ZSCAN21: variants seen among roughly 807,000 people sequenced by gnomAD.
The protein encoded by ZSCAN21 is zinc finger and SCAN domain-containing protein 21.
ZSCAN21 carries 26 observed loss-of-function variants against 35.6 expected under a neutral mutation model. The ratio of observed to expected loss-of-function variants is 0.73; its 90% CI spans 0.54 to 1.01. The LOEUF (loss-of-function observed/expected upper bound fraction) is 1.01, where lower values mean the gene tolerates loss of function less well. Among genes scored for constraint, ZSCAN21 ranks in the 50% least tolerant of loss-of-function variants. The probability of loss-of-function intolerance (pLI) is 0.00; values close to 1 mark genes in which losing one functional copy is unlikely to be tolerated. For missense variants in ZSCAN21, 593 were observed against 587.1 expected (o/e 1.01, Z -0.10); for synonymous variants, 219 against 219.3 (o/e 1.00, Z 0.01).
chr7:100,051,498 G>C (rs1436674728), intron 1 of ZSCAN21: 1 of 151,626 alleles, frequency 6.6e-6, no homozygotes, highest in African/African-American at 2.4e-5. Flanking sequence ...GTTTCACCGT[G>C]TTAGCCAGAA....
chr7:100,051,386 C>CTG, intron 1 of ZSCAN21: 1 of 140,886 alleles, frequency 7.1e-6, no homozygotes, highest in East Asian at 2.3e-4. Flanking sequence ...CTCCGCCTCC[C>CTG]GGGTTCTAGC....
chr7:100,051,734 A>G (rs992734998), intron 1 of ZSCAN21: 9 of 152,102 alleles, frequency 5.9e-5, no homozygotes, highest in African/African-American at 2.2e-4. Flanking sequence ...GCGCTTTCAT[A>G]AGGGCATATA....
Position 100,064,866 on chromosome 7 carries a change from C to T in ZSCAN21, c.*249C>T, listed in dbSNP as rs375602237. 9.6e-5 allele frequency: 154 copies of T among 1,611,340 alleles called. No homozygotes were observed. Among genetic ancestry groups the T allele is most frequent in the Non-Finnish European group, 1.2e-4 (143 of 1,179,052 alleles). ...TCGCCACACTTAGGGTCCCAGTAAG[C>T]CATGCCAGCATTACCTTTTGCGTAG... On this transcript the variant is annotated 3_prime_UTR_variant, in exon 4 of 4. Coordinates refer to ENST00000292450, the MANE Select transcript of ZSCAN21 (RefSeq NM_145914.3).
intron 1 of ZSCAN21, among the ~76,000 whole-genome samples, chr7:100,053,546 A>ATACATACATAATT (rs755978112): frequency 3.8e-5 from 3 of 79,488 alleles, no homozygotes; most frequent in African/African-American, 1.7e-4. Flanking sequence ...TACATACATA[A>ATACATACATAATT]TTTTTTTTTT....
At chr7:100,054,461 G>A (rs1275505560) in intron 1 of ZSCAN21, among the ~76,000 whole-genome samples, 314 of 151,540 alleles carry the variant, frequency 2.1e-3, no homozygotes, top group Admixed American at 4.0e-3. Context: ...TGTTGGTCAG[G>A]TTGGTCTCGA....
At chr7:100,050,614 C>T (rs1458461019) in intron 1 of ZSCAN21, among the ~76,000 whole-genome samples, 1 of 152,088 alleles carries the variant, frequency 6.6e-6, no homozygotes, top group Admixed American at 6.6e-5. Context: ...AGGAGAATCG[C>T]TTGAACCCAC....
chr7:100,063,242 C>G (rs1243239249), intron 3 of ZSCAN21, among the ~76,000 whole-genome samples: 1 of 152,108 alleles, frequency 6.6e-6, no homozygotes, highest in Admixed American at 6.5e-5. Context: ...AGCTGTTTTT[C>G]TGGCAGAAAA....
At chr7:100,059,358 C>G (rs1792197091) in intron 3 of ZSCAN21, among the ~76,000 whole-genome samples, 1 of 152,182 alleles carries the variant, frequency 6.6e-6, no homozygotes, top group Non-Finnish European at 1.5e-5. Context: ...AGCCGGAGAC[C>G]TATCTGGTCA....
chr7:100,063,720 C>G, intron 3 of ZSCAN21, 68 bp from the exon 4 acceptor site: 3 of 1,461,702 alleles, frequency 2.1e-6, no homozygotes, highest in Non-Finnish European at 2.8e-6. Context: ...GGTTCTATCT[C>G]TCTGGTAACA....
chr7:100,062,171 T>C (rs1171631500), intron 3 of ZSCAN21, among the ~76,000 whole-genome samples: 1 of 152,186 alleles, frequency 6.6e-6, no homozygotes, highest in Admixed American at 6.5e-5. Flanking sequence ...CATGGGTTTT[T>C]GTGAGTTTGC....
At chr7:100,062,609 AC>A (rs35058260) in intron 3 of ZSCAN21, among the ~76,000 whole-genome samples, 31,874 of 148,920 alleles carry the variant, frequency 0.21, 4,293 homozygotes, top group East Asian at 0.41. Flanking sequence ...AAAAAAAAAA[AC>A]ATCTGGGCAC....
chr7:100,059,577 G>A (rs1792206015), intron 3 of ZSCAN21, among the ~76,000 whole-genome samples: 1 of 148,930 alleles, frequency 6.7e-6, no homozygotes, highest in South Asian at 2.1e-4. Flanking sequence ...TTTTTGAGAC[G>A]GAGTCTCCCT....
intron 3 of ZSCAN21, among the ~76,000 whole-genome samples, 172 bp downstream of exon 3, chr7:100,058,062 G>C (rs1389572564): frequency 6.6e-6 from 1 of 152,126 alleles, no homozygotes; most frequent in Non-Finnish European, 1.5e-5. Flanking sequence ...GTCTTAACCT[G>C]GGCCCTAGCA....
intron 1 of ZSCAN21, chr7:100,051,757 T>C (rs534116309): frequency 6.6e-6 from 1 of 152,050 alleles, no homozygotes; most frequent in East Asian, 1.9e-4. Context: ...CTGTGGGAGA[T>C]TGGCATAAAG....
intron 3 of ZSCAN21, among the ~76,000 whole-genome samples, chr7:100,058,913 CTA>C (rs1792179278): frequency 6.6e-6 from 1 of 152,066 alleles, no homozygotes; most frequent in African/African-American, 2.4e-5. Flanking sequence ...CAAGCTGGCC[CTA>C]TGTTATTTTG....
chr7:100,064,021 C>T lies in ZSCAN21; in HGVS notation c.826C>T (p.Arg276Cys), dbSNP rs201249540. 369 of 1,614,082 alleles carry T rather than the reference C, an allele frequency of 2.3e-4. No individual in the cohort carries two copies. Among genetic ancestry groups the T allele is most frequent in the East Asian group, 3.1e-4 (14 of 44,890 alleles). The change falls in exon 4 of 4, where the codon CGT (arginine) becomes TGT (cysteine). Residue 276 changes from arginine to cysteine, a missense_variant. Physicochemically the swap from Arg to Cys is radical, Grantham distance 180 (BLOSUM62 -3). Transcript: ENST00000292450. ...VPTKPTPGER[R>C]YICAECGKAF... ...TACTAAACCTACCCCAGGAGAGAGA[C>T]GTTATATATGTGCTGAATGTGGCAA...
chr7:100,064,029 A>G lies in ZSCAN21; in HGVS notation c.834A>G (p.Ile278Met). The change falls in exon 4 of 4, where the codon ATA (isoleucine) becomes ATG (methionine). Residue 278 changes from isoleucine (I) to methionine (M), a missense_variant. By Grantham distance (10) the Ile-to-Met change is conservative. Coordinates refer to ENST00000292450, the MANE Select transcript of ZSCAN21 (RefSeq NM_145914.3). ...CTACCCCAGGAGAGAGACGTTATATATGTGCTGAATGTGGCAAAGCCTTTA... is the reference window on the plus strand; with the variant it reads ...CTACCCCAGGAGAGAGACGTTATATGTGTGCTGAATGTGGCAAAGCCTTTA... ...TKPTPGERRY[I>M]CAECGKAFSN... 3 of 1,614,150 alleles carry G rather than the reference A, an allele frequency of 1.9e-6. No individual in the cohort carries two copies. Among genetic ancestry groups the G allele is most frequent in the Non-Finnish European group, 2.5e-6 (3 of 1,180,022 alleles).
rs778105247 is a variant in ZSCAN21, at chr7:100,057,727, G to T, written c.429G>T (p.Pro143=). ...CAACTCCTCCAAACGAACAGAAACC[G>T]GTGTGGGAGAAGATATCCTCCTCAG... ...QVSTPPNEQK[P]VWEKISSSGT... The change falls in exon 3 of 4, where the codon CCG becomes CCT. Residue 143 remains proline (P), a synonymous_variant. Coordinates refer to ENST00000292450, the MANE Select transcript of ZSCAN21 (RefSeq NM_145914.3). The T allele has an allele frequency of 4.3e-6, 7 of 1,613,186 alleles. No individual in the cohort carries two copies. Among genetic ancestry groups the T allele is most frequent in the Non-Finnish European group, 5.1e-6 (6 of 1,179,578 alleles).
intron 1 of ZSCAN21, among the ~76,000 whole-genome samples, chr7:100,055,165 A>G (rs1792031237): frequency 6.6e-6 from 1 of 152,004 alleles, no homozygotes; most frequent in East Asian, 1.9e-4. Context: ...CATGTTGGCC[A>G]GGCTGGTCTC....
Sources: gnomAD v4.1 joint callset for allele counts (sites outside exome capture counted in the v4.1 genomes callset) on GRCh38, gnomAD v4.1.1 for gene constraint, MANE v1.5 for transcripts, NCBI Gene and HGNC (gene_info 2026-07-23, HGNC 2026-07-21) for gene names.